PRKG1: variants seen among roughly 807,000 people sequenced by gnomAD.
PRKG1 encodes the protein protein kinase cGMP-dependent 1.
PRKG1 carries 35 observed loss-of-function variants against 88.1 expected under a neutral mutation model. That is an observed-to-expected ratio of 0.40 (90% CI 0.30 to 0.53). The LOEUF is 0.53. PRKG1 is among the 20% of genes least tolerant of loss of function. PRKG1 has a pLI of 0.59. For synonymous variants in PRKG1, 303 were observed against 292.5 expected (o/e 1.04, Z -0.37); for missense variants, 540 against 839.8 (o/e 0.64, Z 4.41).
In PRKG1 at chr10:51,204,034, TG is replaced by T. The variant is rs564519327; in HGVS notation, c.478+50705del. ...AGAAAAGATTTATTGGAAAGTTTTT[TG>T]ATATGAAGAACTATTTTCTTCTTCT... On this transcript the variant is annotated intron_variant, in intron 2 of 17. Coordinates refer to ENST00000373980, the MANE Select transcript of PRKG1 (RefSeq NM_006258.4). 7.2e-5 allele frequency among the ~76,000 whole-genome samples: 11 copies of T among 152,340 alleles called. No homozygotes were observed. In the South Asian group the frequency reaches 2.3e-3, roughly 32 times the overall value.
chr10:51,779,838 T>C (rs1490214366), intron 3 of PRKG1, among the ~76,000 whole-genome samples: 1 of 152,164 alleles, frequency 6.6e-6, no homozygotes, highest in African/African-American at 2.4e-5. Flanking sequence ...TTGCCTACCA[T>C]AGTCATTTCC....
At chr10:51,547,056 A>G (rs949668346) in intron 3 of PRKG1, among the ~76,000 whole-genome samples, 3 of 152,034 alleles carry the variant, frequency 2.0e-5, no homozygotes, top group African/African-American at 7.2e-5. Flanking sequence ...GTTGGCCTCT[A>G]CCAGTGGGGC....
At chr10:51,003,663 A>G (rs1042749063) in intron 1 of PRKG1, among the ~76,000 whole-genome samples, 3 of 152,222 alleles carry the variant, frequency 2.0e-5, no homozygotes, top group Non-Finnish European at 2.9e-5. Flanking sequence ...TAATAAAAAC[A>G]TAAACATTTT....
chr10:51,695,557 AT>A (rs1292814627), intron 3 of PRKG1: 1 of 152,190 alleles, frequency 6.6e-6, no homozygotes, highest in African/African-American at 2.4e-5. Context: ...ACATTTAATA[AT>A]TTTCAGTTAC....
At chr10:51,035,644 G>A (rs1843343517) in intron 1 of PRKG1, among the ~76,000 whole-genome samples, 1 of 152,052 alleles carries the variant, frequency 6.6e-6, no homozygotes, top group African/African-American at 2.4e-5. Flanking sequence ...GTAGGCATCT[G>A]ATATATGTGA....
intron 3 of PRKG1, among the ~76,000 whole-genome samples, chr10:51,515,565 A>T (rs1298207879): frequency 6.6e-6 from 1 of 152,204 alleles, no homozygotes; most frequent in East Asian, 1.9e-4. Flanking sequence ...GCTTGTTTCA[A>T]AATGACTTGA....
chr10:51,449,180 G>A (rs1839360122), intron 2 of PRKG1, among the ~76,000 whole-genome samples: 1 of 151,810 alleles, frequency 6.6e-6, no homozygotes, highest in African/African-American at 2.4e-5. Flanking sequence ...GATTTTAGTT[G>A]TGTCAAACTT....
chr10:51,506,479 C>A (rs1181565584), intron 3 of PRKG1, among the ~76,000 whole-genome samples: 1 of 152,108 alleles, frequency 6.6e-6, no homozygotes, highest in African/African-American at 2.4e-5. Context: ...ACCCCATCAA[C>A]AAGTGGGCAA....
At chr10:51,379,807 GA>G (rs1484137750) in intron 2 of PRKG1, among the ~76,000 whole-genome samples, 1 of 152,210 alleles carries the variant, frequency 6.6e-6, no homozygotes, top group African/African-American at 2.4e-5. Flanking sequence ...TTGGCAGGCA[GA>G]GGGCTGTGTT....
chr10:51,097,938 C>A (rs556034409), intron 1 of PRKG1, among the ~76,000 whole-genome samples: 1 of 68,794 alleles, frequency 1.5e-5, no homozygotes, highest in African/African-American at 4.0e-5. Context: ...TCCTCCACCC[C>A]CAGTTAACTG....
intron 2 of PRKG1, among the ~76,000 whole-genome samples, chr10:51,189,354 A>G (rs1344503636): frequency 5.9e-5 from 9 of 151,946 alleles, no homozygotes; most frequent in African/African-American, 2.2e-4. Context: ...AAGTAGGTAT[A>G]TAGGTAAGAA....
chr10:51,966,660 G>C (rs1208156563), intron 5 of PRKG1, among the ~76,000 whole-genome samples: 1 of 152,096 alleles, frequency 6.6e-6, no homozygotes, highest in Non-Finnish European at 1.5e-5. Context: ...ACAGATGAGG[G>C]AGCAAGCACA....
chr10:51,366,554 G>A (rs949417586), intron 2 of PRKG1, among the ~76,000 whole-genome samples: 3 of 151,866 alleles, frequency 2.0e-5, no homozygotes, highest in African/African-American at 7.2e-5. Context: ...ATACCTATCT[G>A]TAAATACAGT....
At chr10:51,630,656 C>A (rs1460188822) in intron 3 of PRKG1, among the ~76,000 whole-genome samples, 1 of 152,172 alleles carries the variant, frequency 6.6e-6, no homozygotes, top group Non-Finnish European at 1.5e-5. Context: ...GGATTGCATA[C>A]CATGGTGACT....
intron 1 of PRKG1, among the ~76,000 whole-genome samples, chr10:51,136,737 T>C (rs1845694243): frequency 6.6e-6 from 1 of 152,072 alleles, no homozygotes; most frequent in Non-Finnish European, 1.5e-5. Context: ...TTGGAAGGTT[T>C]CTTGTAGTTC....
At chr10:51,972,883 G>A (rs1274736612) in intron 5 of PRKG1, among the ~76,000 whole-genome samples, 1 of 151,830 alleles carries the variant, frequency 6.6e-6, no homozygotes, top group Non-Finnish European at 1.5e-5. Flanking sequence ...CCACTTCATT[G>A]GAAATGTCAG....
intron 1 of PRKG1, among the ~76,000 whole-genome samples, chr10:51,128,614 T>G (rs1845488983): frequency 6.6e-6 from 1 of 152,188 alleles, no homozygotes; most frequent in African/African-American, 2.4e-5. Flanking sequence ...CTATTTACAC[T>G]TAGACCAGGG....
intron 1 of PRKG1, among the ~76,000 whole-genome samples, chr10:51,041,223 G>T (rs1483601858): frequency 6.6e-6 from 1 of 152,062 alleles, no homozygotes; most frequent in African/African-American, 2.4e-5. Context: ...CAGGTAGTGG[G>T]CTCCCTTCTG....
chr10:51,129,824 G>T (rs545585999), intron 1 of PRKG1, among the ~76,000 whole-genome samples: 12 of 152,220 alleles, frequency 7.9e-5, no homozygotes, highest in Admixed American at 2.6e-4. Context: ...TGAAAGAAGG[G>T]TCACATTTTT....
Sources: allele counts gnomAD v4.1 joint callset (sites outside exome capture counted in the v4.1 genomes callset), GRCh38; gene constraint gnomAD v4.1.1; transcripts MANE v1.5; gene names NCBI Gene and HGNC (gene_info 2026-07-23, HGNC 2026-07-21).